The following TBC1D22A variants were observed in gnomAD, a reference collection of about 807,000 sequenced individuals.
The protein encoded by TBC1D22A is putative GTPase activator.
A neutral mutation model predicts 60.2 loss-of-function variants in TBC1D22A; 38 were observed. That is an observed-to-expected ratio of 0.63 (90% CI 0.49 to 0.83). The LOEUF (loss-of-function observed/expected upper bound fraction) is 0.83. TBC1D22A is among the 40% of genes least tolerant of loss of function. The probability of loss-of-function intolerance (pLI) is 0.00; values close to 1 mark genes in which losing one functional copy is unlikely to be tolerated. For synonymous variants in TBC1D22A, 302 were observed against 281.7 expected, an observed-to-expected ratio of 1.07 and a Z score of -0.72; for missense variants, 628 against 701.0, an observed-to-expected ratio of 0.90 and a Z score of 1.18.
intron 11 of TBC1D22A, among the ~76,000 whole-genome samples, chr22:47,069,987 C>T (rs1795014977): frequency 7.6e-6 from 1 of 132,236 alleles, no homozygotes; most frequent in African/African-American, 3.3e-5. Flanking sequence ...TGGAGCGGAG[C>T]TGACCTGACG....
chr22:46,769,342 T>C (rs2083408023), intron 1 of TBC1D22A, among the ~76,000 whole-genome samples: 1 of 152,184 alleles, frequency 6.6e-6, no homozygotes, highest in African/African-American at 2.4e-5. Flanking sequence ...TGAATTCATT[T>C]GGAAAACGTT....
intron 12 of TBC1D22A, among the ~76,000 whole-genome samples, chr22:47,166,263 A>G (rs1465174678): frequency 6.6e-6 from 1 of 152,202 alleles, no homozygotes; most frequent in Non-Finnish European, 1.5e-5. Flanking sequence ...GGCCTGGAGC[A>G]GGCAGAGGAG....
At chr22:46,994,890 A>T (rs6009087) in intron 9 of TBC1D22A, among the ~76,000 whole-genome samples, 66,161 of 152,022 alleles carry the variant, frequency 0.44, 16,563 homozygotes, top group African/African-American at 0.7. Flanking sequence ...CAAGTTCAGG[A>T]CCAAAGATGA....
At chr22:46,966,357 G>C (rs569941891) in intron 8 of TBC1D22A, among the ~76,000 whole-genome samples, 2 of 152,156 alleles carry the variant, frequency 1.3e-5, no homozygotes, top group African/African-American at 4.8e-5. Flanking sequence ...CGAAAGCATC[G>C]GGAGAGCCCA....
In TBC1D22A at chr22:47,076,011, A is replaced by G. The variant is rs202078007; in HGVS notation, c.1330-35497A>G. ...GGATATATGGCAGTTCTGAACGTAT[A>G]TGCACCTAAGAAGCTTGGCCTTACG... On this transcript the variant is annotated intron_variant, in intron 11 of 12. Coordinates refer to ENST00000337137, the MANE Select transcript of TBC1D22A (RefSeq NM_014346.5). 4.1e-3 allele frequency among the ~76,000 whole-genome samples: 622 copies of G among 152,306 alleles called. 4 individuals are homozygous for G. Among genetic ancestry groups the G allele is most frequent in the Middle Eastern group, 0.017 (5 of 294 alleles).
At chr22:46,919,347 C>T (rs965664710) in intron 8 of TBC1D22A, among the ~76,000 whole-genome samples, 5 of 152,208 alleles carry the variant, frequency 3.3e-5, no homozygotes, top group Admixed American at 2.0e-4. Flanking sequence ...TCCTTCATTC[C>T]GTAGCCAGGT....
chr22:46,937,738 T>C (rs2147923942), intron 8 of TBC1D22A, among the ~76,000 whole-genome samples: 1 of 152,084 alleles, frequency 6.6e-6, no homozygotes, highest in Admixed American at 6.5e-5. Context: ...GGTGTGGAGG[T>C]GGAATTAATG....
Position 47,111,589 on chromosome 22 carries a change from G to T in TBC1D22A, c.1411G>T (p.Glu471Ter). 1 of 1,613,670 alleles carries T rather than the reference G, an allele frequency of 6.2e-7. No homozygotes were observed. Among genetic ancestry groups the T allele is most frequent in the Non-Finnish European group, 8.5e-7 (1 of 1,179,836 alleles). ...GAGATGGAGGAAGGAAATACTAGAA[G>T]AAAAAGATTTTCAAGTAAGTAAATG... is the stretch of plus-strand genomic sequence containing the variant. ...LVRWRKEILE[E>*]KDFQELLLFL... Residue 471 changes from glutamate to a stop codon, truncating the protein, a stop_gained, in exon 12 of 13, where the codon GAA (glutamate) becomes TAA (stop). Transcript: ENST00000337137. LOFTEE classifies it high-confidence loss of function.
intron 12 of TBC1D22A, among the ~76,000 whole-genome samples, chr22:47,121,047 A>G (rs2066254447): frequency 6.6e-6 from 1 of 152,272 alleles, no homozygotes; most frequent in African/African-American, 2.4e-5. Context: ...ACTCACACAA[A>G]TAACTAATAA....
chr22:47,013,965 C>T (rs564922694), intron 10 of TBC1D22A, among the ~76,000 whole-genome samples: 3 of 152,342 alleles, frequency 2.0e-5, no homozygotes, highest in East Asian at 1.9e-4. Flanking sequence ...CAGAGACCCT[C>T]GGTTTGACCC....
chr22:46,769,947 G>A (rs2083430679), intron 1 of TBC1D22A, among the ~76,000 whole-genome samples: 1 of 152,128 alleles, frequency 6.6e-6, no homozygotes, highest in Admixed American at 6.5e-5. Flanking sequence ...GTGCTGGCCT[G>A]AGGGGATGGG....
chr22:47,013,437 T>C (rs959838004), intron 10 of TBC1D22A, among the ~76,000 whole-genome samples: 1 of 152,220 alleles, frequency 6.6e-6, no homozygotes, highest in Non-Finnish European at 1.5e-5. Flanking sequence ...GTGATTCTCC[T>C]TGACCTTAGC....
At chr22:46,825,903 A>G (rs1035374147) in intron 4 of TBC1D22A, among the ~76,000 whole-genome samples, 14 of 147,516 alleles carry the variant, frequency 9.5e-5, no homozygotes, top group Admixed American at 6.0e-4. Context: ...TTTTTTTTGA[A>G]ACGGAGTCTT....
At chr22:47,021,697 C>CTCATATTTATGACTG (rs2062096176) in intron 10 of TBC1D22A, among the ~76,000 whole-genome samples, 1 of 152,258 alleles carries the variant, frequency 6.6e-6, no homozygotes, top group Non-Finnish European at 1.5e-5. Flanking sequence ...GTGACCCATA[C>CTCATATTTATGACTG]AGACTCATAA....
intron 11 of TBC1D22A, among the ~76,000 whole-genome samples, chr22:47,099,488 C>G (rs1397027618): frequency 6.6e-6 from 1 of 151,228 alleles, no homozygotes; most frequent in Non-Finnish European, 1.5e-5. Context: ...TCTTGTTGCC[C>G]AGGCTGGAGT....
intron 11 of TBC1D22A, among the ~76,000 whole-genome samples, chr22:47,104,426 G>A (rs1206273189): frequency 6.6e-6 from 1 of 152,070 alleles, no homozygotes; most frequent in Non-Finnish European, 1.5e-5. Context: ...CAGGCATGGT[G>A]GCCCACACTT....
intron 4 of TBC1D22A, among the ~76,000 whole-genome samples, chr22:46,863,962 C>CG (rs1007475841): frequency 6.6e-6 from 1 of 152,144 alleles, no homozygotes; most frequent in African/African-American, 2.4e-5. Flanking sequence ...AGAGGCCTCT[C>CG]GAGTTGTCCC....
chr22:46,932,705 G>A (rs2071420276), intron 8 of TBC1D22A, among the ~76,000 whole-genome samples: 1 of 145,082 alleles, frequency 6.9e-6, no homozygotes, highest in South Asian at 2.2e-4. Flanking sequence ...AGTGCAGTGT[G>A]CGTTGTCCTT....
At chr22:46,769,989 G>A (rs1432411654) in intron 1 of TBC1D22A, among the ~76,000 whole-genome samples, 2 of 152,078 alleles carry the variant, frequency 1.3e-5, no homozygotes, top group Admixed American at 1.3e-4. Flanking sequence ...GCCCCCTAAA[G>A]GTGTCCTCAT....
Sources: gnomAD v4.1 joint callset for allele counts (sites outside exome capture counted in the v4.1 genomes callset) on GRCh38, gnomAD v4.1.1 for gene constraint, MANE v1.5 for transcripts, NCBI Gene and HGNC (gene_info 2026-07-23, HGNC 2026-07-21) for gene names.